SGCD: variants seen among roughly 807,000 people sequenced by gnomAD.
The protein encoded by SGCD is sarcoglycan delta.
Under a neutral mutation model 36.6 loss-of-function variants are expected in SGCD, and 18 were observed. The ratio of observed to expected loss-of-function variants is 0.49; its 90% confidence interval spans 0.34 to 0.73. The LOEUF is 0.73. Among genes scored for constraint, SGCD ranks in the 30% least tolerant of loss-of-function variants. SGCD has a pLI of 0.01. For synonymous variants in SGCD, 133 were observed against 130.6 expected, an observed-to-expected ratio of 1.02 and a Z score of -0.12; for missense variants, 387 against 346.7, an observed-to-expected ratio of 1.12 and a Z score of -0.92.
intron 3 of SGCD, among the ~76,000 whole-genome samples, chr5:156,478,132 G>C (rs1270786417): frequency 6.6e-6 from 1 of 152,046 alleles, no homozygotes; most frequent in Admixed American, 6.6e-5. Flanking sequence ...TAGAAATAAT[G>C]GTTCCTACTT....
chr5:155,948,856 G>T (rs968034272), intron 1 of SGCD, among the ~76,000 whole-genome samples: 1 of 152,040 alleles, frequency 6.6e-6, no homozygotes, highest in Admixed American at 6.6e-5. Flanking sequence ...GTACCATCTG[G>T]GCTCAGAGAA....
intron 1 of SGCD, among the ~76,000 whole-genome samples, chr5:155,905,034 G>A (rs1159556786): frequency 1.3e-5 from 2 of 152,148 alleles, no homozygotes; most frequent in African/African-American, 4.8e-5. Context: ...CAGACACTGT[G>A]AACATAACAG....
intron 3 of SGCD, among the ~76,000 whole-genome samples, chr5:156,386,148 G>A (rs1288885398): frequency 6.6e-6 from 1 of 152,210 alleles, no homozygotes; most frequent in Non-Finnish European, 1.5e-5. Context: ...ATTCACAAGT[G>A]TTTTTGAAGC....
At chr5:156,127,315 T>C (rs1762196463) in intron 3 of SGCD, among the ~76,000 whole-genome samples, 1 of 152,048 alleles carries the variant, frequency 6.6e-6, no homozygotes, top group African/African-American at 2.4e-5. Flanking sequence ...GTCCACAAAA[T>C]AGAGTAATCC....
At chr5:155,995,146 C>A (rs1344533059) in intron 1 of SGCD, among the ~76,000 whole-genome samples, 1 of 152,124 alleles carries the variant, frequency 6.6e-6, no homozygotes, top group Admixed American at 6.5e-5. Context: ...TGAAAATCAC[C>A]TGGCAGCACT....
chr5:156,316,178 G>T (rs975709358), intron 3 of SGCD, among the ~76,000 whole-genome samples: 7 of 151,838 alleles, frequency 4.6e-5, no homozygotes, highest in African/African-American at 1.7e-4. Flanking sequence ...CTACACTATA[G>T]CAAACTTCCC....
intron 3 of SGCD, among the ~76,000 whole-genome samples, chr5:156,472,548 GC>G (rs1311103837): frequency 1.3e-5 from 2 of 152,124 alleles, no homozygotes; most frequent in Non-Finnish European, 2.9e-5. Flanking sequence ...CTCCCAAGTA[GC>G]TGAGATTACA....
At chr5:156,154,401 C>T (rs1316638614) in intron 3 of SGCD, among the ~76,000 whole-genome samples, 3 of 151,796 alleles carry the variant, frequency 2.0e-5, no homozygotes, top group Non-Finnish European at 4.4e-5. Context: ...GGACTGAATA[C>T]ATAATATCTG....
intron 1 of SGCD, among the ~76,000 whole-genome samples, chr5:155,972,299 C>T (rs1158291251): frequency 1.3e-5 from 2 of 152,084 alleles, no homozygotes; most frequent in African/African-American, 4.8e-5. Context: ...AATTTATATT[C>T]TTTCAGGCAT....
At chr5:156,294,686 A>C (rs1459523334) in intron 3 of SGCD, among the ~76,000 whole-genome samples, 1 of 152,108 alleles carries the variant, frequency 6.6e-6, no homozygotes, top group African/African-American at 2.4e-5. Flanking sequence ...TGTTTCTGTC[A>C]TGAAAAGGTG....
the SGCD span, among the ~76,000 whole-genome samples, chr5:155,860,811 G>C: frequency 6.6e-6 from 1 of 152,116 alleles, no homozygotes; most frequent in East Asian, 1.9e-4. Flanking sequence ...ATAAAATCCA[G>C]GGAATATAGC....
intron 3 of SGCD, among the ~76,000 whole-genome samples, chr5:156,152,898 C>T (rs1472696982): frequency 6.6e-6 from 1 of 151,294 alleles, no homozygotes; most frequent in Non-Finnish European, 1.5e-5. Context: ...TTCTTTTCTT[C>T]TATTCACCAA....
chr5:156,443,715 ACTT>A (rs372641638), intron 3 of SGCD, among the ~76,000 whole-genome samples: 165 of 152,144 alleles, frequency 1.1e-3, no homozygotes, highest in African/African-American at 3.9e-3. Flanking sequence ...AGAGTCATGA[ACTT>A]CTCTGGGATT....
intron 1 of SGCD, among the ~76,000 whole-genome samples, chr5:156,024,526 G>A (rs954852060): frequency 1.3e-5 from 2 of 151,994 alleles, no homozygotes; most frequent in Middle Eastern, 3.4e-3. Flanking sequence ...CTTTTTTGTA[G>A]GCTGGACTAT....
chr5:155,954,129 C>T (rs577154543), intron 1 of SGCD, among the ~76,000 whole-genome samples: 1 of 152,284 alleles, frequency 6.6e-6, no homozygotes, highest in Admixed American at 6.5e-5. Context: ...GACTCTTCTC[C>T]ATCATATGAT....
At chr5:156,738,395 A>G (rs1303088851) in intron 7 of SGCD, among the ~76,000 whole-genome samples, 1 of 152,116 alleles carries the variant, frequency 6.6e-6, no homozygotes, top group African/African-American at 2.4e-5. Context: ...ATTTGCTACA[A>G]AATCCCAGCT....
In SGCD at chr5:156,090,304, T is replaced by G. The variant is rs183948989; in HGVS notation, c.-281-27574T>G. Among the ~76,000 whole-genome samples the G allele has an allele frequency of 2.5e-3, 385 of 152,310 alleles. 2 individuals are homozygous for G. The highest frequency in any genetic ancestry group is 3.6e-3 in the Non-Finnish European group (247 of 68,030). On this transcript the variant is annotated intron_variant, in intron 1 of 9. Transcript: ENST00000517913. ...CTCCAATATTTCAACATAGGTTGCT[T>G]TCTATTTTCCCTAAGTGTCAGCTGG...
intron 1 of SGCD, among the ~76,000 whole-genome samples, chr5:155,881,295 A>AAAATAAATAAATAAAT (rs6149303): frequency 0.19 from 27,215 of 145,320 alleles, 2,858 homozygotes; most frequent in African/African-American, 0.26. Context: ...ACCTCACCAC[A>AAAATAAATAAATAAAT]AAATAAATAA....
chr5:156,478,969 G>C (rs1002575481), intron 3 of SGCD, among the ~76,000 whole-genome samples: 1 of 152,156 alleles, frequency 6.6e-6, no homozygotes, highest in Non-Finnish European at 1.5e-5. Context: ...TCACCTGAGA[G>C]CCAAATCGGC....
Sources: allele counts gnomAD v4.1 joint callset (sites outside exome capture counted in the v4.1 genomes callset), GRCh38; gene constraint gnomAD v4.1.1; transcripts MANE v1.5; gene names NCBI Gene and HGNC (gene_info 2026-07-23, HGNC 2026-07-21).